Variants in EVL observed in about 807,000 individuals in gnomAD.
The protein encoded by EVL is Enah/Vasp-like, also known as ena/VASP-like protein.
EVL carries 21 observed loss-of-function variants against 59.6 expected under a neutral mutation model. The observed-to-expected ratio is 0.35, with a 90% CI of 0.25 to 0.51. The LOEUF (loss-of-function observed/expected upper bound fraction) is 0.51, where lower values mean the gene tolerates loss of function less well. EVL is among the 20% of genes least tolerant of loss of function. The probability of loss-of-function intolerance (pLI) is 0.97; values close to 1 mark genes in which losing one functional copy is unlikely to be tolerated. For missense variants in EVL, 462 were observed against 546.6 expected, an observed-to-expected ratio of 0.85 and a Z score of 1.54; for synonymous variants, 198 against 203.5, an observed-to-expected ratio of 0.97 and a Z score of 0.23.
At chr14:100,119,908 C>T (rs1566713433) in intron 3 of EVL, among the ~76,000 whole-genome samples, 3 of 152,278 alleles carry the variant, frequency 2.0e-5, no homozygotes, top group Admixed American at 6.5e-5. Flanking sequence ...AGATGTGATC[C>T]GCAGACCATC....
chr14:100,080,501 T>A (rs2062273856), intron 1 of EVL, among the ~76,000 whole-genome samples: 1 of 152,220 alleles, frequency 6.6e-6, no homozygotes, highest in African/African-American at 2.4e-5. Flanking sequence ...ATGAGGAAAC[T>A]GAGGCCTAGA....
chr14:99,983,834 C>G (rs1206019694), intron 1 of EVL, among the ~76,000 whole-genome samples: 1 of 152,172 alleles, frequency 6.6e-6, no homozygotes, highest in Admixed American at 6.5e-5. Context: ...GACCCTTAGC[C>G]TAGCTGAGGG....
At chr14:100,064,867 G>GC (rs1412199512), upstream of EVL, among the ~76,000 whole-genome samples, 1 of 152,168 alleles carries the variant, frequency 6.6e-6, no homozygotes, top group African/African-American at 2.4e-5. Flanking sequence ...CCAAGATCGT[G>GC]CCATTGCACT....
At chr14:100,143,331 T>G (rs1440546204) in intron 13 of EVL, among the ~76,000 whole-genome samples, 1 of 152,030 alleles carries the variant, frequency 6.6e-6, no homozygotes, top group African/African-American at 2.4e-5. Flanking sequence ...CCCCGGCACC[T>G]GGACACCCAC....
upstream of EVL, among the ~76,000 whole-genome samples, chr14:100,063,843 T>C (rs989430709): frequency 6.6e-6 from 1 of 152,206 alleles, no homozygotes; most frequent in Non-Finnish European, 1.5e-5. Flanking sequence ...GTGAAAGGAT[T>C]GAGATCATAC....
chr14:100,025,089 C>G (rs1313467886), intron 1 of EVL, among the ~76,000 whole-genome samples: 1 of 152,122 alleles, frequency 6.6e-6, no homozygotes, highest in East Asian at 1.9e-4. Flanking sequence ...GCTTTCTGCC[C>G]TGTTCTCTAG....
chr14:100,038,522 T>G (rs1031568270), intron 1 of EVL, among the ~76,000 whole-genome samples: 15 of 152,250 alleles, frequency 9.9e-5, no homozygotes, highest in African/African-American at 3.6e-4. Context: ...GATACTGTCT[T>G]AACAAGCGGA....
chr14:100,112,641 C>T (rs1317380352), intron 3 of EVL, among the ~76,000 whole-genome samples: 1 of 152,216 alleles, frequency 6.6e-6, no homozygotes, highest in Non-Finnish European at 1.5e-5. Context: ...ACACCCAAGG[C>T]CCCTTGTGCC....
At chr14:100,055,704 GC>G (rs2061718366) in intron 1 of EVL, among the ~76,000 whole-genome samples, 1 of 152,190 alleles carries the variant, frequency 6.6e-6, no homozygotes, top group East Asian at 1.9e-4. Context: ...TATGTGGAAA[GC>G]TTTTAGAATT....
intron 8 of EVL, 80 bp from the exon 9 acceptor site, chr14:100,135,824 AG>A (rs1888746585): frequency 8.3e-7 from 1 of 1,211,064 alleles, no homozygotes; most frequent in Non-Finnish European, 1.2e-6. Flanking sequence ...TGGAAAACTG[AG>A]GTTTTATGAA....
chr14:100,017,792 G>A (rs1316715971), intron 1 of EVL, among the ~76,000 whole-genome samples: 1 of 152,216 alleles, frequency 6.6e-6, no homozygotes, highest in East Asian at 1.9e-4. Context: ...ATCAGCTTAG[G>A]TGATTGCTGT....
At chr14:100,044,960 A>AAAAT (rs1411048790) in intron 1 of EVL, among the ~76,000 whole-genome samples, 1 of 152,146 alleles carries the variant, frequency 6.6e-6, no homozygotes, top group African/African-American at 2.4e-5. Flanking sequence ...AGACCCTATA[A>AAAAT]AAATAAATAA....
rs201987606 is a variant in EVL at position 100,132,799 on chromosome 14, C to G, written c.900+20C>G. 100 of 1,613,646 alleles carry G rather than the reference C, an allele frequency of 6.2e-5. 1 individual carries two copies. The African/African-American group carries it at 1.3e-3, about 20-fold the overall frequency. ...CAAATGGTGAGCAAGCAGCCCGCCC[C>G]ACCCTCAGGCTCCCCACTGAGATGA... is the stretch of plus-strand genomic sequence containing the variant. On this transcript the variant is annotated intron_variant, in intron 8 of 13. Coordinates refer to ENST00000392920, the MANE Select transcript of EVL (RefSeq NM_016337.3).
At position 100,043,309 on chromosome 14, in the gene EVL, GTA is replaced by G. The variant is rs1257561436; in HGVS notation, c.6-41374_6-41373del. ...TGTATATATATGTGTGTGTGTGTGT[GTA>G]TATGTATATGTATAGATATACAAGG... is the stretch of plus-strand genomic sequence containing the variant. On this transcript the variant is annotated intron_variant, in intron 1 of 13. Coordinates refer to the EVL transcript ENST00000402714. Among the ~76,000 whole-genome samples the G allele has an allele frequency of 8.7e-5, 13 of 149,844 alleles. 1 individual carries two copies. In the East Asian group the frequency reaches 1.4e-3, roughly 16 times the overall value.
chr14:100,137,458 G>C, intron 9 of EVL, 120 bp from the exon 10 acceptor site: 1 of 1,064,916 alleles, frequency 9.4e-7, no homozygotes, highest in Non-Finnish European at 1.4e-6. Flanking sequence ...AGACCTTCCT[G>C]CCACGGGGCT....
rs1888145991 is a variant in EVL at position 100,127,433 on chromosome 14, C to T, written c.487+662C>T. ...GACTGATGAGAAACCCGAGCCCCCACTGGTTACAGGAACGCTCTGCTCGTG... is the reference window on the plus strand; with the variant it reads ...GACTGATGAGAAACCCGAGCCCCCATTGGTTACAGGAACGCTCTGCTCGTG... On this transcript the variant is annotated intron_variant, in intron 5 of 13. Coordinates refer to ENST00000392920, the MANE Select transcript of EVL (RefSeq NM_016337.3). This position sits in a 1 kb window ranked among gnomAD's most constrained non-coding sequence, Gnocchi z 4.2. Among the ~76,000 whole-genome samples, 2 of 152,342 alleles carry T rather than the reference C, an allele frequency of 1.3e-5. No homozygotes were observed. Among genetic ancestry groups the T allele is most frequent in the Admixed American group, 1.3e-4 (2 of 15,308 alleles).
At chr14:99,993,487 A>G (rs947341661) in intron 1 of EVL, among the ~76,000 whole-genome samples, 1 of 152,056 alleles carries the variant, frequency 6.6e-6, no homozygotes, top group Non-Finnish European at 1.5e-5. Flanking sequence ...GTATCAGATT[A>G]ATGCTGACCT....
intron 2 of EVL, among the ~76,000 whole-genome samples, chr14:100,095,703 T>G (rs1264064114): frequency 6.6e-6 from 1 of 152,028 alleles, no homozygotes; most frequent in Non-Finnish European, 1.5e-5. Flanking sequence ...ACAATTAAGT[T>G]GTGAAACAAT....
intron 1 of EVL, among the ~76,000 whole-genome samples, chr14:99,976,163 A>G (rs1435414003): frequency 6.6e-6 from 1 of 151,800 alleles, no homozygotes; most frequent in Non-Finnish European, 1.5e-5. Flanking sequence ...CTACAGGCAC[A>G]CGCCCCCATG....
Sources: gnomAD v4.1 joint callset for allele counts (sites outside exome capture counted in the v4.1 genomes callset) on GRCh38, gnomAD v4.1.1 for gene constraint, Gnocchi (gnomAD v3.1) non-coding constraint, MANE v1.5 for transcripts, NCBI Gene and HGNC (gene_info 2026-07-23, HGNC 2026-07-21) for gene names.